ARHGEF3: variants seen among roughly 807,000 people sequenced by gnomAD.
ARHGEF3 encodes Rho guanine nucleotide exchange factor 3.
ARHGEF3 carries 28 observed loss-of-function variants against 63.2 expected under a neutral mutation model. The observed-to-expected ratio is 0.44, with a 90% confidence interval of 0.33 to 0.61. ARHGEF3 has a LOEUF of 0.61. Ranked by LOEUF, ARHGEF3 falls within the 20% of genes least tolerant of loss-of-function variation. ARHGEF3 has a pLI of 0.03. For missense variants in ARHGEF3, 533 were observed against 659.3 expected (o/e 0.81, Z 2.10); for synonymous variants, 266 against 254.2 (o/e 1.05, Z -0.44).
At chr3:56,807,066 G>A (rs2037889062) in intron 4 of ARHGEF3, among the ~76,000 whole-genome samples, 1 of 151,924 alleles carries the variant, frequency 6.6e-6, no homozygotes, top group African/African-American at 2.4e-5. Flanking sequence ...TGTGTTTTTA[G>A]TAGAGACGGG....
At chr3:56,971,574 G>A (rs540773676) in intron 2 of ARHGEF3, among the ~76,000 whole-genome samples, 15 of 151,316 alleles carry the variant, frequency 9.9e-5, no homozygotes, top group South Asian at 4.2e-4. Flanking sequence ...GGTTAAGGCC[G>A]GGCGCGGTGG....
intron 4 of ARHGEF3, among the ~76,000 whole-genome samples, chr3:56,881,581 C>T (rs768011111): frequency 1.3e-5 from 2 of 152,166 alleles, no homozygotes. Context: ...AGCTTTTCCA[C>T]CTTGATCATC....
intron 2 of ARHGEF3, chr3:56,958,985 C>T (rs1352264586): frequency 7.7e-7 from 1 of 1,304,268 alleles, no homozygotes; most frequent in African/African-American, 1.5e-5. Context: ...AGAGAGATGC[C>T]TCAAGAAATG....
At chr3:56,799,052 A>ATTTT (rs2037509732) in intron 1 of ARHGEF3, among the ~76,000 whole-genome samples, 1 of 152,256 alleles carries the variant, frequency 6.6e-6, no homozygotes, top group Non-Finnish European at 1.5e-5. Flanking sequence ...AATACATTTT[A>ATTTT]AAAATATCAT....
intron 3 of ARHGEF3, among the ~76,000 whole-genome samples, chr3:56,936,924 G>T (rs1698934946): frequency 6.6e-6 from 1 of 152,128 alleles, no homozygotes; most frequent in Admixed American, 6.5e-5. Flanking sequence ...TCGCCATGTT[G>T]CCCAGGCTGG....
intron 2 of ARHGEF3, among the ~76,000 whole-genome samples, chr3:56,971,146 CCT>C (rs1700892430): frequency 6.6e-6 from 1 of 152,054 alleles, no homozygotes; most frequent in Non-Finnish European, 1.5e-5. Context: ...ATGGTGCGGC[CCT>C]CAGTAAGTCT....
intron 4 of ARHGEF3, among the ~76,000 whole-genome samples, chr3:56,849,491 T>G (rs1424107942): frequency 1.3e-5 from 2 of 152,168 alleles, no homozygotes; most frequent in African/African-American, 4.8e-5. Flanking sequence ...ACAGTGATAG[T>G]AGCAACTTCC....
chr3:56,930,036 C>G (rs944485989), intron 3 of ARHGEF3, among the ~76,000 whole-genome samples: 2 of 140,288 alleles, frequency 1.4e-5, no homozygotes, highest in Admixed American at 1.4e-4. Flanking sequence ...GAGTCTGGGT[C>G]AACTACCAGC....
intron 3 of ARHGEF3, among the ~76,000 whole-genome samples, chr3:56,942,125 T>A (rs893499360): frequency 6.6e-6 from 1 of 152,218 alleles, no homozygotes; most frequent in African/African-American, 2.4e-5. Context: ...GCTAGCACAT[T>A]CCAAAGGCTA....
chr3:56,911,834 G>A (rs889205748), intron 3 of ARHGEF3, among the ~76,000 whole-genome samples: 12 of 151,930 alleles, frequency 7.9e-5, no homozygotes, highest in African/African-American at 2.7e-4. Context: ...TCCAGAGGCC[G>A]ATGGGGGAGG....
In ARHGEF3 at chr3:56,773,718, T is replaced by C; in HGVS notation, c.195A>G (p.Gln65=). Residue 65 remains glutamine (Q), a synonymous_variant, in exon 2 of 10, where the codon CAA becomes CAG. Transcript: ENST00000296315. ...TGTGTGCCCTTCTTACCTGCAGGGTTTGACTGAAGCGCTTTAATGGCGTGG... is the reference window on the plus strand; with the variant it reads ...TGTGTGCCCTTCTTACCTGCAGGGTCTGACTGAAGCGCTTTAATGGCGTGG... The part of the protein sequence containing the change: ...VKATPLKRFS[Q]TLQRSISFRS... 1 of 1,584,064 alleles carries C rather than the reference T, an allele frequency of 6.3e-7. No homozygotes were observed. Among genetic ancestry groups the C allele is most frequent in the Non-Finnish European group, 8.5e-7 (1 of 1,170,096 alleles).
chr3:56,795,663 T>TG (rs1559947233), intron 1 of ARHGEF3, among the ~76,000 whole-genome samples: 6 of 150,688 alleles, frequency 4.0e-5, no homozygotes, highest in African/African-American at 9.8e-5. Flanking sequence ...CTCTTTTTTT[T>TG]TTTTGAAGAT....
At chr3:56,820,204 G>C (rs73833734) in intron 4 of ARHGEF3, among the ~76,000 whole-genome samples, 4,959 of 152,164 alleles carry the variant, frequency 0.033, 263 homozygotes, top group African/African-American at 0.11. Flanking sequence ...CTACTGCCAG[G>C]GGAGGCCAGT....
At chr3:56,801,551 T>A in intron 1 of ARHGEF3, 152 bp downstream of exon 1, 1 of 1,037,836 alleles carries the variant, frequency 9.6e-7, no homozygotes, top group Non-Finnish European at 1.3e-6. Context: ...AAGAAGACTG[T>A]GGGAGAGATG....
chr3:57,048,400 C>A (rs1212553614), intron 1 of ARHGEF3, among the ~76,000 whole-genome samples: 2 of 152,172 alleles, frequency 1.3e-5, no homozygotes, highest in African/African-American at 4.8e-5. Flanking sequence ...CACGATGAGA[C>A]CTCTATTACC....
intron 3 of ARHGEF3, among the ~76,000 whole-genome samples, chr3:56,896,421 A>G (rs1560030389): frequency 6.6e-6 from 1 of 152,182 alleles, no homozygotes. Context: ...ACACAGGATA[A>G]TTATTATCAA....
chr3:56,849,055 C>T (rs2108138446), intron 4 of ARHGEF3, among the ~76,000 whole-genome samples: 1 of 152,310 alleles, frequency 6.6e-6, no homozygotes, highest in Admixed American at 6.5e-5. Flanking sequence ...CAGGTATCCG[C>T]TCTTTATTTA....
rs1553802486 is a variant in ARHGEF3 at position 57,002,479 on chromosome 3, T to TTATATATATGTTA, written c.62+32608_62+32609insTAACATATATATA. Among the ~76,000 whole-genome samples the TTATATATATGTTA allele has an allele frequency of 3.7e-3, 145 of 39,468 alleles. 12 individuals are homozygous for TTATATATATGTTA. Among genetic ancestry groups the TTATATATATGTTA allele is most frequent in the Admixed American group, 0.019 (55 of 2,860 alleles). The allele number at this position is 39,468 out of a possible 152,430, so 25.9% of individuals were successfully genotyped here. On this transcript the variant is annotated intron_variant, in intron 2 of 12. Transcript: ENST00000338458. ...TCTAAGCACTATATATATATATATG[T>TTATATATATGTTA]TATATATATATATATATGTTATATA...
At chr3:56,765,800 T>C (rs995457153) in intron 2 of ARHGEF3, among the ~76,000 whole-genome samples, 2 of 152,158 alleles carry the variant, frequency 1.3e-5, no homozygotes, top group Non-Finnish European at 2.9e-5. Flanking sequence ...TCTAATCTTA[T>C]TCATTTTTAT....
Sources: gnomAD v4.1 joint callset for allele counts (sites outside exome capture counted in the v4.1 genomes callset) on GRCh38, gnomAD v4.1.1 for gene constraint, MANE v1.5 for transcripts, NCBI Gene and HGNC (gene_info 2026-07-23, HGNC 2026-07-21) for gene names.